LINS1: variants seen among roughly 807,000 people sequenced by gnomAD.
LINS1 encodes lines homolog 1, also known as protein Lines homolog 1.
Under a neutral mutation model 41.6 loss-of-function variants are expected in LINS1, and 27 were observed. That is an observed-to-expected ratio of 0.65 (90% CI 0.48 to 0.89). LINS1 has a LOEUF of 0.89. Among genes scored for constraint, LINS1 ranks in the 40% least tolerant of loss-of-function variants. The pLI is 0.00. For synonymous variants in LINS1, 336 were observed against 312.9 expected, an observed-to-expected ratio of 1.07 and a Z score of -0.78; for missense variants, 955 against 884.1, an observed-to-expected ratio of 1.08 and a Z score of -1.02.
chr15:100,570,013 T>G lies in LINS1; in HGVS notation c.1499A>C (p.Lys500Thr), dbSNP rs2037733479. ...NPHCIFLFFL[K>T]NIGFDSTVLL... Reference sequence around the variant, plus strand: ...AACTGTGGAATCAAATCCTATATTTTTCAAGAAGAACAAGAAAATACAGTG... The same window carrying G: ...AACTGTGGAATCAAATCCTATATTTGTCAAGAAGAACAAGAAAATACAGTG... The change falls in exon 7 of 7, where the codon AAA becomes ACA. Residue 500 changes from lysine (K) to threonine (T), a missense_variant. Physicochemically the swap from Lys to Thr is moderately conservative, Grantham distance 78. Coordinates refer to ENST00000314742, the MANE Select transcript of LINS1 (RefSeq NM_001040616.3). 1 of 1,553,848 alleles carries G rather than the reference T, an allele frequency of 6.4e-7. No homozygotes were observed. Among genetic ancestry groups the G allele is most frequent in the Non-Finnish European group, 8.7e-7 (1 of 1,154,864 alleles).
At position 100,580,309 on chromosome 15, in the gene LINS1, GC is replaced by G; in HGVS notation, c.442del (p.Ala148LeufsTer13). 3.1e-6 allele frequency: 5 copies of G among 1,612,928 alleles called. No individual in the cohort carries two copies. The highest frequency in any genetic ancestry group is 4.2e-6 in the Non-Finnish European group (5 of 1,179,184). On this transcript the variant is annotated frameshift_variant, in exon 3 of 7. Transcript: ENST00000314742. LOFTEE classifies it high-confidence loss of function. Reference sequence around the variant, plus strand: ...TAGAAGCAATGCAAGGCACTGTGCAGCCATGTGAGATAACAATTTATCTGAA... The same window carrying G: ...TAGAAGCAATGCAAGGCACTGTGCAGCATGTGAGATAACAATTTATCTGAA... ...QNSDKLLSHM[A>X]AQCLALLLYF...
intron 1 of LINS1, among the ~76,000 whole-genome samples, chr15:100,595,444 A>G (rs955925988): frequency 6.6e-6 from 1 of 152,220 alleles, no homozygotes; most frequent in African/African-American, 2.4e-5. Context: ...TAACCATATT[A>G]GCCATTACAG....
Position 100,580,541 on chromosome 15 carries a change from G to A in LINS1, c.302C>T (p.Thr101Ile), listed in dbSNP as rs529904935. The change falls in exon 2 of 7, where the codon ACC becomes ATC. Residue 101 changes from threonine to isoleucine, a missense_variant. Transcript: ENST00000314742. ...LQLTVIKVMT[T>I]RILSVKTEFH... The stretch of plus-strand genomic sequence containing the variant: ...CTCGGTTTTGACAGACAATATCCGG[G>A]TTGTCATCACTTTGATCACTGTTAA... The A allele has an allele frequency of 1.2e-6, 2 of 1,613,820 alleles. No individual in the cohort carries two copies. The highest frequency in any genetic ancestry group is 1.7e-6 in the Non-Finnish European group (2 of 1,179,928).
At chr15:100,586,920 G>A (rs1596944905) in intron 1 of LINS1, among the ~76,000 whole-genome samples, 1 of 152,208 alleles carries the variant, frequency 6.6e-6, no homozygotes, top group East Asian at 1.9e-4. Context: ...CCAGCAACTT[G>A]GGAGCCAAGG....
At chr15:100,579,046 G>A (rs1342385553) in intron 3 of LINS1, among the ~76,000 whole-genome samples, 1 of 152,020 alleles carries the variant, frequency 6.6e-6, no homozygotes, top group Non-Finnish European at 1.5e-5. Flanking sequence ...GAGGGGGAAG[G>A]GATAGCATTA....
At chr15:100,572,615 C>A (rs953516137) in intron 5 of LINS1, 6 of 990,080 alleles carry the variant, frequency 6.1e-6, no homozygotes, top group Non-Finnish European at 7.2e-6. Context: ...TAAAACTGCA[C>A]AGAATTATAA....
intron 6 of LINS1, chr15:100,570,603 GT>G (rs2037770472): frequency 1.3e-5 from 2 of 153,910 alleles, no homozygotes; most frequent in African/African-American, 4.8e-5. Flanking sequence ...GATTATAACT[GT>G]AAGGCTGAGG....
intron 1 of LINS1, among the ~76,000 whole-genome samples, chr15:100,587,984 G>T (rs539126278): frequency 1.3e-5 from 2 of 152,192 alleles, no homozygotes; most frequent in African/African-American, 4.8e-5. Flanking sequence ...AAAAGGGCAA[G>T]AATTTCTTAG....
intron 1 of LINS1, among the ~76,000 whole-genome samples, chr15:100,582,203 C>T (rs59229765): frequency 1.4e-5 from 2 of 146,140 alleles, no homozygotes; most frequent in Non-Finnish European, 3.0e-5. Flanking sequence ...TCCGTCTACA[C>T]TATGGCCACT....
At chr15:100,585,778 AT>A (rs2038777603) in intron 1 of LINS1, among the ~76,000 whole-genome samples, 2 of 152,346 alleles carry the variant, frequency 1.3e-5, no homozygotes, top group Admixed American at 6.5e-5. Context: ...AGTCTAAGCA[AT>A]TTTTAAGTTC....
chr15:100,590,697 G>A (rs1426641358), intron 1 of LINS1, among the ~76,000 whole-genome samples: 1 of 152,204 alleles, frequency 6.6e-6, no homozygotes, highest in Non-Finnish European at 1.5e-5. Context: ...GTGGCCTATG[G>A]AGAAATACAT....
rs2038511289 is a variant in LINS1, at chr15:100,580,898, T to C, written c.-56A>G. 1.3e-6 allele frequency: 2 copies of C among 1,495,514 alleles called. No individual in the cohort carries two copies. The highest frequency in any genetic ancestry group is 3.7e-5 in the Admixed American group (2 of 54,420). 92.6% of individuals were successfully genotyped at this position (1,495,514 alleles called of 1,614,324 possible). ...GTCGACAACTCCAAGTTGTAAACATTAAATCTCAGAAGTGCAATGAATCTC... is the reference window on the plus strand; with the variant it reads ...GTCGACAACTCCAAGTTGTAAACATCAAATCTCAGAAGTGCAATGAATCTC... On this transcript the variant is annotated 5_prime_UTR_variant, in exon 2 of 7. Coordinates refer to ENST00000314742, the MANE Select transcript of LINS1 (RefSeq NM_001040616.3).
Position 100,585,074 on chromosome 15 carries a change from G to A in LINS1, c.-103-4129C>T, listed in dbSNP as rs529114205. 2.6e-5 allele frequency among the ~76,000 whole-genome samples: 4 copies of A among 152,304 alleles called. No individual in the cohort carries two copies. In the South Asian group the frequency reaches 8.3e-4, roughly 32 times the overall value. ...AAAGCATGGCATTATCAAATTATAT[G>A]GATGTTAAAAGTTGGGGATTACACC... On this transcript the variant is annotated intron_variant, in intron 1 of 6. Coordinates refer to ENST00000314742, the MANE Select transcript of LINS1 (RefSeq NM_001040616.3).
In LINS1 at chr15:100,598,644, C is replaced by T. The variant is rs763644215; in HGVS notation, c.-104+3477G>A. 2.0e-5 allele frequency among the ~76,000 whole-genome samples: 3 copies of T among 152,176 alleles called. No individual in the cohort carries two copies. In the South Asian group the frequency reaches 6.2e-4, roughly 31 times the overall value. On this transcript the variant is annotated intron_variant, in intron 1 of 6. Coordinates refer to ENST00000314742, the MANE Select transcript of LINS1 (RefSeq NM_001040616.3). ...AGCCTCCAGTTAGCTTCCTTTCTTT[C>T]GGCGTTCTTTTTGCTGTGATGACCA...
intron 3 of LINS1, among the ~76,000 whole-genome samples, chr15:100,579,603 T>C (rs190138273): frequency 6.6e-6 from 1 of 152,224 alleles, no homozygotes; most frequent in African/African-American, 2.4e-5. Flanking sequence ...TCACTTTTTA[T>C]ATTCAGAAAA....
chr15:100,584,477 C>T (rs906628105), intron 1 of LINS1, among the ~76,000 whole-genome samples: 1 of 151,740 alleles, frequency 6.6e-6, no homozygotes, highest in African/African-American at 2.4e-5. Context: ...ATGGTGGGAC[C>T]CAGGTTCTTT....
intron 1 of LINS1, among the ~76,000 whole-genome samples, chr15:100,598,630 A>G (rs1298596601): frequency 6.6e-6 from 1 of 152,232 alleles, no homozygotes; most frequent in Non-Finnish European, 1.5e-5. Context: ...GCCTCCAGTT[A>G]GCTTCCTTTC....
chr15:100,578,061 C>T (rs2038294957), intron 3 of LINS1, among the ~76,000 whole-genome samples: 1 of 151,996 alleles, frequency 6.6e-6, no homozygotes, highest in Admixed American at 6.6e-5. Flanking sequence ...GACTTAAAAC[C>T]ATAAAAACCC....
intron 1 of LINS1, among the ~76,000 whole-genome samples, chr15:100,592,171 C>G (rs951722829): frequency 3.9e-5 from 6 of 152,222 alleles, no homozygotes; most frequent in Admixed American, 2.0e-4. Context: ...TCTTGAGCCC[C>G]TATGCTTGGC....
Sources: gnomAD v4.1 joint callset for allele counts (sites outside exome capture counted in the v4.1 genomes callset) on GRCh38, gnomAD v4.1.1 for gene constraint, MANE v1.5 for transcripts, NCBI Gene and HGNC (gene_info 2026-07-23, HGNC 2026-07-21) for gene names.